SLC6A9: variants seen among roughly 807,000 people sequenced by gnomAD.
SLC6A9 encodes the protein sodium- and chloride-dependent glycine transporter 1.
A neutral mutation model predicts 70.9 loss-of-function variants in SLC6A9; 31 were observed. The observed-to-expected ratio is 0.44, with a 90% confidence interval of 0.33 to 0.59. SLC6A9 has a LOEUF of 0.59. Among genes scored for constraint, SLC6A9 ranks in the 20% least tolerant of loss-of-function variants. SLC6A9 has a pLI of 0.04. For synonymous variants in SLC6A9, 310 were observed against 341.3 expected, an observed-to-expected ratio of 0.91 and a Z score of 1.01; for missense variants, 631 against 845.2, an observed-to-expected ratio of 0.75 and a Z score of 3.14.
In SLC6A9 at chr1:44,001,533, C is replaced by T. The variant is rs748502303; in HGVS notation, c.1057G>A (p.Gly353Ser). The T allele has an allele frequency of 3.1e-6, 5 of 1,614,112 alleles. No individual in the cohort carries two copies. Among genetic ancestry groups the T allele is most frequent in the Non-Finnish European group, 4.2e-6 (5 of 1,180,042 alleles). ...TCTGCCACACGGGACACATCCACGC[C>T]CAGGTGATTGGCCATGAAGCCGAGG... ...SILGFMANHLGVDVSRVADHG... is the reference protein window; with the variant it reads ...SILGFMANHLSVDVSRVADHG... Residue 353 changes from glycine to serine, a missense_variant, in exon 9 of 14, where the codon GGC becomes AGC. Coordinates refer to ENST00000372310, the MANE Select transcript of SLC6A9 (RefSeq NM_001024845.3).
At position 44,011,515 on chromosome 1, in the gene SLC6A9, G is replaced by A. The variant is rs774466133; in HGVS notation, c.31-633C>T. ...GACTCTAGGTGGGAGGGTCCGGGGA[G>A]CTAGCTACACTGCCCATGGCTGGGG... On this transcript the variant is annotated intron_variant, in intron 2 of 13. Coordinates refer to ENST00000372310, the MANE Select transcript of SLC6A9 (RefSeq NM_001024845.3). The A allele has an allele frequency of 1.2e-5, 19 of 1,569,532 alleles. No homozygotes were observed. The Admixed American group carries it at 3.0e-4, about 25-fold the overall frequency.
chr1:44,028,610 C>T (rs2087027628), intron 1 of SLC6A9, among the ~76,000 whole-genome samples: 2 of 152,174 alleles, frequency 1.3e-5, no homozygotes. Context: ...ACGAAATTAG[C>T]TGGGCGTGGT....
At chr1:44,016,590 C>A in intron 2 of SLC6A9, 1 of 166,036 alleles carries the variant, frequency 6.0e-6, no homozygotes, top group South Asian at 1.6e-4. Flanking sequence ...CCAGCTGAGA[C>A]TCTTGCCCCA....
At chr1:44,015,164 G>C (rs1363946354) in intron 2 of SLC6A9, among the ~76,000 whole-genome samples, 1 of 152,162 alleles carries the variant, frequency 6.6e-6, no homozygotes, top group Non-Finnish European at 1.5e-5. Context: ...AAAAGGTAAA[G>C]AGGAAATGCA....
At chr1:44,010,339 G>T in intron 3 of SLC6A9, 1 of 512,960 alleles carries the variant, frequency 1.9e-6, no homozygotes, top group Non-Finnish European at 3.5e-6. Context: ...TACTTGGGTG[G>T]GATTTGATGG....
chr1:44,022,798 C>T (rs967442690), intron 2 of SLC6A9, among the ~76,000 whole-genome samples: 5 of 149,732 alleles, frequency 3.3e-5, no homozygotes, highest in East Asian at 2.0e-4. Flanking sequence ...CACTGCAACC[C>T]GGGTTCAAGT....
chr1:43,997,471 C>T lies in SLC6A9; in HGVS notation c.*74G>A. 1.5e-6 allele frequency: 2 copies of T among 1,375,846 alleles called. No individual in the cohort carries two copies. Among genetic ancestry groups the T allele is most frequent in the Non-Finnish European group, 2.0e-6 (2 of 976,952 alleles). 85.2% of individuals were successfully genotyped at this position (1,375,846 alleles called of 1,614,324 possible). A position where few individuals can be genotyped will look rare whatever the true frequency, so the allele number is the denominator to read the frequency against. On this transcript the variant is annotated 3_prime_UTR_variant, in exon 14 of 14. Coordinates refer to ENST00000372310, the MANE Select transcript of SLC6A9 (RefSeq NM_001024845.3). This position sits in a 1 kb window ranked among gnomAD's most constrained non-coding sequence, Gnocchi z 4.4. ...GCGTGGCAGGGGGCAGGCAGAGACACCTGGCCTCTGCCTCACCAGTCTCTG... is the reference window on the plus strand; with the variant it reads ...GCGTGGCAGGGGGCAGGCAGAGACATCTGGCCTCTGCCTCACCAGTCTCTG...
In SLC6A9 at chr1:44,002,271, G is replaced by A. The variant is rs2086140034; in HGVS notation, c.962+42C>T. On this transcript the variant is annotated intron_variant, in intron 8 of 13. Transcript: ENST00000372310. The surrounding 1 kb of genome is among the most constrained non-coding windows in gnomAD (Gnocchi z 5.5). ...TGGAGCTGAGATCAGGCTGCAGAGA[G>A]TGCAGGAAGGGGGCAGCCTCAGCCC... The A allele has an allele frequency of 1.4e-6, 2 of 1,398,856 alleles. No homozygotes were observed. The highest frequency in any genetic ancestry group is 2.8e-5 in the African/African-American group (2 of 70,750). The allele number at this position is 1,398,856 out of a possible 1,614,324, so 86.7% of individuals were successfully genotyped here.
intron 2 of SLC6A9, among the ~76,000 whole-genome samples, chr1:44,022,577 G>C (rs1171286891): frequency 6.6e-6 from 1 of 152,094 alleles, no homozygotes; most frequent in Non-Finnish European, 1.5e-5. Flanking sequence ...GGCTAGACCA[G>C]AGCTGGCCTG....
chr1:44,020,989 G>A (rs771777041), intron 2 of SLC6A9, among the ~76,000 whole-genome samples: 56 of 152,218 alleles, frequency 3.7e-4, no homozygotes, highest in Non-Finnish European at 2.1e-4. Flanking sequence ...ACCAAGGCCT[G>A]AACTGCCCAA....
intron 2 of SLC6A9, among the ~76,000 whole-genome samples, chr1:44,022,469 T>C (rs528430757): frequency 1.3e-5 from 2 of 152,254 alleles, no homozygotes; most frequent in South Asian, 4.1e-4. Flanking sequence ...AAGATCTCCA[T>C]CTGGGCCCAT....
intron 2 of SLC6A9, among the ~76,000 whole-genome samples, chr1:44,014,143 C>A (rs979271607): frequency 6.6e-6 from 1 of 152,108 alleles, no homozygotes; most frequent in African/African-American, 2.4e-5. Context: ...CATCTGCCCC[C>A]CTCTGCTCAC....
intron 1 of SLC6A9, among the ~76,000 whole-genome samples, chr1:44,028,094 C>T (rs2087015313): frequency 6.6e-6 from 1 of 152,164 alleles, no homozygotes; most frequent in South Asian, 2.1e-4. Flanking sequence ...GAGGGCTTCC[C>T]TGATGAAGTG....
intron 2 of SLC6A9, among the ~76,000 whole-genome samples, chr1:44,015,446 C>T (rs568020253): frequency 6.6e-6 from 1 of 152,362 alleles, no homozygotes; most frequent in East Asian, 1.9e-4. Context: ...TTAGGACTCT[C>T]CAGCCCCAGG....
rs766125418 is a variant in SLC6A9, at chr1:44,001,419, TGAA to T, written c.1168_1170del (p.Phe390del). ...GTGCCCAGCCCCAGCAGGATAAGCATGAAGAAGAAGAGCAGAGACCACAGCGGG... is the reference window on the plus strand; with the variant it reads ...GTGCCCAGCCCCAGCAGGATAAGCATGAAGAAGAGCAGAGACCACAGCGGG... On this transcript the variant is annotated inframe_deletion, in exon 9 of 14. Transcript: ENST00000372310. 1.9e-6 allele frequency: 3 copies of T among 1,613,374 alleles called. No individual in the cohort carries two copies. Among genetic ancestry groups the T allele is most frequent in the East Asian group, 2.2e-5 (1 of 44,864 alleles).
At position 44,002,277 on chromosome 1, in the gene SLC6A9, G is replaced by A. The variant is rs368819887; in HGVS notation, c.962+36C>T. 2 of 1,464,550 alleles carry A rather than the reference G, an allele frequency of 1.4e-6. No individual in the cohort carries two copies. Among genetic ancestry groups the A allele is most frequent in the Non-Finnish European group, 1.9e-6 (2 of 1,043,560 alleles). 90.7% of individuals were successfully genotyped at this position (1,464,550 alleles called of 1,614,324 possible). On this transcript the variant is annotated intron_variant, in intron 8 of 13. Coordinates refer to ENST00000372310, the MANE Select transcript of SLC6A9 (RefSeq NM_001024845.3). The surrounding 1 kb of genome is among the most constrained non-coding windows in gnomAD (Gnocchi z 5.5). The stretch of plus-strand genomic sequence containing the variant: ...TGAGATCAGGCTGCAGAGAGTGCAG[G>A]AAGGGGGCAGCCTCAGCCCAGCAGG...
Position 44,013,868 on chromosome 1 carries a change from T to C in SLC6A9, c.31-2986A>G, listed in dbSNP as rs1343557283. On this transcript the variant is annotated intron_variant, in intron 2 of 13. Transcript: ENST00000372310. The surrounding 1 kb of genome is among the most constrained non-coding windows in gnomAD (Gnocchi z 5.3). ...CTGACTTCCCTCCTGAGCAGCTAAA[T>C]CTTTTTCAATACTGTATGGCTTTTT... is the stretch of plus-strand genomic sequence containing the variant. 6.6e-6 allele frequency among the ~76,000 whole-genome samples: 1 copy of C among 152,238 alleles called. No homozygotes were observed. Among genetic ancestry groups the C allele is most frequent in the Non-Finnish European group, 1.5e-5 (1 of 68,040 alleles).
chr1:43,996,618 A>AGAG lies in SLC6A9; in HGVS notation c.*924_*926dup, dbSNP rs1319568914. The AGAG allele has an allele frequency of 6.1e-6, 1 of 165,150 alleles. No individual in the cohort carries two copies. Among genetic ancestry groups the AGAG allele is most frequent in the Non-Finnish European group, 1.3e-5 (1 of 76,796 alleles). The allele number at this position is 165,150 out of a possible 1,614,324, so 10.2% of individuals were successfully genotyped here. On this transcript the variant is annotated 3_prime_UTR_variant, in exon 14 of 14. Transcript: ENST00000372310. ...GGCTTGGCCGGGGCTGTCACTGCAC[A>AGAG]GAGGACGGACAAATGAACACTTCAG... is the stretch of plus-strand genomic sequence containing the variant.
At chr1:44,017,368 AACACACACACACACACACAC>A (rs3038812) in intron 2 of SLC6A9, 15 of 828,354 alleles carry the variant, frequency 1.8e-5, no homozygotes, top group African/African-American at 1.1e-4. Flanking sequence ...TAACTGGAAC[AACACACACACACACACACAC>A]ACACACACAC....
Sources: gnomAD v4.1 joint callset for allele counts (sites outside exome capture counted in the v4.1 genomes callset) on GRCh38, gnomAD v4.1.1 for gene constraint, Gnocchi (gnomAD v3.1) non-coding constraint, MANE v1.5 for transcripts, NCBI Gene and HGNC (gene_info 2026-07-23, HGNC 2026-07-21) for gene names.